Variants in PAG1 observed in about 807,000 individuals in gnomAD.
The protein encoded by PAG1 is phosphoprotein associated with glycosphingolipid-enriched microdomains 1.
Under a neutral mutation model 31.7 loss-of-function variants are expected in PAG1, and 23 were observed. The ratio of observed to expected loss-of-function variants is 0.73; its 90% confidence interval spans 0.52 to 1.03. The LOEUF is 1.03. Among genes scored for constraint, PAG1 ranks in the 50% least tolerant of loss-of-function variants. PAG1 has a pLI of 0.00. For missense variants in PAG1, 473 were observed against 540.7 expected (o/e 0.87, Z 1.24); for synonymous variants, 214 against 210.3 (o/e 1.02, Z -0.15).
At chr8:81,095,585 T>G (rs781761545) in intron 1 of PAG1, among the ~76,000 whole-genome samples, 6 of 152,162 alleles carry the variant, frequency 3.9e-5, no homozygotes, top group Non-Finnish European at 8.8e-5. Context: ...CTCCTAACGA[T>G]GTATATATAT....
chr8:81,070,790 A>G lies in PAG1; in HGVS notation c.-233-620T>C, dbSNP rs1809081166. 3.9e-5 allele frequency among the ~76,000 whole-genome samples: 6 copies of G among 152,348 alleles called. No individual in the cohort carries two copies. In the South Asian group the frequency reaches 1.2e-3, roughly 32 times the overall value. ...GCTTCTTATGCTTAAAAATAAAACT[A>G]TCACTTATAAAGATCACTTCTCCAA... On this transcript the variant is annotated intron_variant, in intron 1 of 8. Coordinates refer to ENST00000220597, the MANE Select transcript of PAG1 (RefSeq NM_018440.4).
chr8:81,105,281 G>A (rs1809676504), intron 1 of PAG1, among the ~76,000 whole-genome samples: 1 of 152,134 alleles, frequency 6.6e-6, no homozygotes, highest in Admixed American at 6.5e-5. Context: ...TCTGGTATTT[G>A]AGGTCTTATC....
intron 1 of PAG1, among the ~76,000 whole-genome samples, chr8:81,109,128 C>T (rs1189800182): frequency 2.6e-5 from 4 of 152,192 alleles, no homozygotes; most frequent in Non-Finnish European, 2.9e-5. Context: ...AATAAAGCAA[C>T]AGAATCCACT....
chr8:81,034,987 C>T (rs1394690403), intron 2 of PAG1, among the ~76,000 whole-genome samples: 9 of 152,000 alleles, frequency 5.9e-5, no homozygotes, highest in Non-Finnish European at 1.3e-4. Context: ...GCACAACCTC[C>T]AAGGAACAAG....
chr8:80,977,677 A>G (rs532475140), intron 8 of PAG1, among the ~76,000 whole-genome samples: 17 of 152,332 alleles, frequency 1.1e-4, no homozygotes, highest in African/African-American at 4.1e-4. Context: ...GCAACCAGCC[A>G]AGTCAGAAAT....
At chr8:81,065,894 CTT>C (rs1395206890) in intron 2 of PAG1, among the ~76,000 whole-genome samples, 1 of 151,676 alleles carries the variant, frequency 6.6e-6, no homozygotes, top group Non-Finnish European at 1.5e-5. Flanking sequence ...AATGAGTACA[CTT>C]TTAGGATTAC....
At chr8:81,038,393 T>C (rs546702176) in intron 2 of PAG1, among the ~76,000 whole-genome samples, 217 of 152,268 alleles carry the variant, frequency 1.4e-3, no homozygotes, top group African/African-American at 5.1e-3. Context: ...CAAAACTGGC[T>C]GGGCTGTTTG....
chr8:81,085,835 A>G (rs1809342207), intron 1 of PAG1, among the ~76,000 whole-genome samples: 1 of 152,190 alleles, frequency 6.6e-6, no homozygotes, highest in Non-Finnish European at 1.5e-5. Context: ...AAACCTAAGT[A>G]CACTGTCAGT....
At chr8:81,075,271 G>A (rs755356005) in intron 1 of PAG1, among the ~76,000 whole-genome samples, 4 of 152,206 alleles carry the variant, frequency 2.6e-5, no homozygotes, top group Non-Finnish European at 4.4e-5. Flanking sequence ...TCTAGTATGA[G>A]TAGACTGACT....
At chr8:81,080,369 A>G (rs1391527314) in intron 1 of PAG1, among the ~76,000 whole-genome samples, 1 of 152,176 alleles carries the variant, frequency 6.6e-6, no homozygotes, top group African/African-American at 2.4e-5. Flanking sequence ...TAAGTAGTTT[A>G]TAATCAGGAA....
intron 1 of PAG1, among the ~76,000 whole-genome samples, chr8:81,080,035 G>A (rs1809240622): frequency 6.6e-6 from 1 of 152,050 alleles, no homozygotes; most frequent in Non-Finnish European, 1.5e-5. Flanking sequence ...CTCCCAAAGT[G>A]CTGGGATTAC....
chr8:81,082,708 T>C (rs1040847767), intron 1 of PAG1, among the ~76,000 whole-genome samples: 1 of 152,188 alleles, frequency 6.6e-6, no homozygotes, highest in Non-Finnish European at 1.5e-5. Context: ...AGATTTTTAT[T>C]TGGGTTACTG....
chr8:81,007,765 TAA>T (rs907105326), intron 3 of PAG1, among the ~76,000 whole-genome samples: 1 of 151,916 alleles, frequency 6.6e-6, no homozygotes, highest in East Asian at 1.9e-4. Flanking sequence ...CTGGCTGTAC[TAA>T]GAGCATAGAC....
At chr8:80,992,996 A>G in intron 4 of PAG1, 107 bp downstream of exon 4, 1 of 942,744 alleles carries the variant, frequency 1.1e-6, no homozygotes, top group South Asian at 2.2e-5. Context: ...AGTTTCTGGG[A>G]CGGCTCTGTG....
At chr8:81,017,657 C>A (rs974062864) in intron 3 of PAG1, among the ~76,000 whole-genome samples, 5 of 152,188 alleles carry the variant, frequency 3.3e-5, no homozygotes, top group African/African-American at 1.2e-4. Flanking sequence ...GCTACTCAAG[C>A]TACCCAATTA....
intron 2 of PAG1, among the ~76,000 whole-genome samples, chr8:81,062,663 T>C (rs929048339): frequency 1.3e-5 from 2 of 151,870 alleles, no homozygotes; most frequent in African/African-American, 4.8e-5. Flanking sequence ...ATAGACAGGG[T>C]TAACTTTATC....
rs1456681147 is a variant in PAG1, at chr8:80,985,121, C to T, written c.531G>A (p.Glu177=). Residue 177 remains glutamate (E), a synonymous_variant, in exon 7 of 9, where the codon GAG becomes GAA. Coordinates refer to ENST00000220597, the MANE Select transcript of PAG1 (RefSeq NM_018440.4). ...CTTTCACAGTTTCATACAAGCAGTC[C>T]TCCACCATGTTTTCTTGGGAGGAGC... ...KDSSSQENMV[E]DCLYETVKEI... is the part of the protein sequence containing the mutation. 2 of 1,614,152 alleles carry T rather than the reference C, an allele frequency of 1.2e-6. No homozygotes were observed. Among genetic ancestry groups the T allele is most frequent in the Non-Finnish European group, 1.7e-6 (2 of 1,180,024 alleles).
chr8:81,041,654 T>C (rs1180601016), intron 2 of PAG1, among the ~76,000 whole-genome samples: 3 of 152,214 alleles, frequency 2.0e-5, no homozygotes, highest in Non-Finnish European at 4.4e-5. Flanking sequence ...TCTACCTCTT[T>C]TAGGTAGTAC....
At position 80,985,367 on chromosome 8, in the gene PAG1, C is replaced by T. The variant is rs774856558; in HGVS notation, c.285G>A (p.Glu95=). The T allele has an allele frequency of 6.2e-7, 1 of 1,611,706 alleles. No individual in the cohort carries two copies. Among genetic ancestry groups the T allele is most frequent in the Non-Finnish European group, 8.5e-7 (1 of 1,178,430 alleles). The change falls in exon 7 of 9, where the codon GAG becomes GAA. Residue 95 remains glutamate (E), a synonymous_variant. Transcript: ENST00000220597. ...GALTNGDILS[E]DSTLTCMQHY... ...GCTGCATGCAGGTCAGAGTACTGTC[C>T]TCTGAAAGAACTAAAGCAGCACACA...
Sources: allele counts gnomAD v4.1 joint callset (sites outside exome capture counted in the v4.1 genomes callset), GRCh38; gene constraint gnomAD v4.1.1; transcripts MANE v1.5; gene names NCBI Gene and HGNC (gene_info 2026-07-23, HGNC 2026-07-21).